Variants in COL24A1 observed in about 807,000 individuals in gnomAD.
COL24A1 encodes collagen alpha-1(XXIV) chain.
COL24A1 carries 224 observed loss-of-function variants against 253.9 expected under a neutral mutation model. The ratio of observed to expected loss-of-function variants is 0.88; its 90% CI spans 0.79 to 0.99. COL24A1 has a LOEUF of 0.99. COL24A1 is among the 50% of genes least tolerant of loss of function. The probability of loss-of-function intolerance (pLI) is 0.00; values close to 1 mark genes in which losing one functional copy is unlikely to be tolerated. For missense variants in COL24A1, 2,131 were observed against 2,068.5 expected (o/e 1.03, Z -0.59); for synonymous variants, 685 against 673.7 (o/e 1.02, Z -0.26).
At chr1:85,851,820 A>T (rs534720490) in intron 37 of COL24A1, among the ~76,000 whole-genome samples, 1 of 152,112 alleles carries the variant, frequency 6.6e-6, no homozygotes, top group Admixed American at 6.6e-5. Context: ...TATTTTGTTC[A>T]TTCCATATAT....
chr1:85,865,972 T>G (rs1285372750), intron 37 of COL24A1, among the ~76,000 whole-genome samples: 2 of 152,116 alleles, frequency 1.3e-5, no homozygotes, highest in Non-Finnish European at 2.9e-5. Context: ...ATAAAGAAAT[T>G]TCTTTAATGG....
chr1:85,801,976 T>A (rs1054999368), intron 47 of COL24A1, among the ~76,000 whole-genome samples: 3 of 152,142 alleles, frequency 2.0e-5, no homozygotes, highest in Non-Finnish European at 4.4e-5. Flanking sequence ...CCCAATCAAA[T>A]ATCAAGTCCT....
At chr1:85,971,121 A>C (rs1435415342) in intron 21 of COL24A1, among the ~76,000 whole-genome samples, 1 of 152,030 alleles carries the variant, frequency 6.6e-6, no homozygotes, top group Non-Finnish European at 1.5e-5. Context: ...AGGCAGGAGG[A>C]TTGCTGGAGC....
At chr1:85,835,284 A>G (rs1336691932) in intron 43 of COL24A1, among the ~76,000 whole-genome samples, 1 of 152,052 alleles carries the variant, frequency 6.6e-6, no homozygotes, top group Admixed American at 6.6e-5. Flanking sequence ...GGCATGCACC[A>G]CCACACCCAG....
chr1:86,012,069 G>A (rs551609882), intron 19 of COL24A1, among the ~76,000 whole-genome samples: 76 of 151,928 alleles, frequency 5.0e-4, no homozygotes, highest in African/African-American at 1.8e-3. Context: ...TCTTCTCATT[G>A]TAGCCACCCA....
intron 47 of COL24A1, among the ~76,000 whole-genome samples, chr1:85,807,370 G>A (rs879264006): frequency 6.6e-6 from 1 of 152,182 alleles, no homozygotes; most frequent in South Asian, 2.1e-4. Context: ...ATTGGAAATA[G>A]GTTCTCTGAT....
chr1:85,803,176 G>A (rs536215329), intron 47 of COL24A1, among the ~76,000 whole-genome samples: 93 of 152,192 alleles, frequency 6.1e-4, no homozygotes, highest in African/African-American at 2.1e-3. Context: ...GAGGCTGGGT[G>A]CAGTGGCTCA....
At position 85,979,730 on chromosome 1, in the gene COL24A1, G is replaced by C. The variant is rs1183658800; in HGVS notation, c.2364+7871C>G. 3.3e-5 allele frequency among the ~76,000 whole-genome samples: 5 copies of C among 149,824 alleles called. No individual in the cohort carries two copies. In the East Asian group the frequency reaches 9.8e-4, roughly 29 times the overall value. On this transcript the variant is annotated intron_variant, in intron 20 of 59. Transcript: ENST00000370571. ...AAAAAAAAAAGTCCAGGACCAGAGA[G>C]ATTCACAGCTGAATTCTATCAGACA...
chr1:86,071,120 A>G (rs1011973084), intron 7 of COL24A1, among the ~76,000 whole-genome samples: 2 of 152,180 alleles, frequency 1.3e-5, no homozygotes, highest in African/African-American at 4.8e-5. Flanking sequence ...AGTTTTTATC[A>G]GTTTTCTTTT....
intron 48 of COL24A1, among the ~76,000 whole-genome samples, chr1:85,785,096 T>C (rs1286973520): frequency 2.0e-5 from 3 of 152,162 alleles, no homozygotes; most frequent in Non-Finnish European, 4.4e-5. Flanking sequence ...ATGATTCAGC[T>C]ATCTAATACC....
chr1:86,037,164 T>A (rs1342356720), intron 12 of COL24A1, among the ~76,000 whole-genome samples: 1 of 152,228 alleles, frequency 6.6e-6, no homozygotes, highest in Non-Finnish European at 1.5e-5. Flanking sequence ...AATAATTTTC[T>A]ATTTTCTCAT....
At chr1:86,116,629 AAC>A (rs534010757) in intron 3 of COL24A1, among the ~76,000 whole-genome samples, 79 of 152,302 alleles carry the variant, frequency 5.2e-4, no homozygotes, top group African/African-American at 1.8e-3. Flanking sequence ...TGAAAAAAAT[AAC>A]AGTTATTTTG....
At chr1:85,828,097 A>G (rs991225194) in intron 43 of COL24A1, among the ~76,000 whole-genome samples, 31 of 152,078 alleles carry the variant, frequency 2.0e-4, no homozygotes, top group Middle Eastern at 3.4e-3. Flanking sequence ...CTTTGAATGC[A>G]TCCCAGAGAT....
chr1:85,868,648 T>C, intron 36 of COL24A1, 22 bp from the exon 37 acceptor site: 6 of 1,594,362 alleles, frequency 3.8e-6, no homozygotes, highest in Non-Finnish European at 5.2e-6. Flanking sequence ...TAAAAAAGTT[T>C]TCTATAAAGG....
chr1:85,980,118 A>G (rs2100849511), intron 20 of COL24A1, among the ~76,000 whole-genome samples: 1 of 152,350 alleles, frequency 6.6e-6, no homozygotes, highest in Non-Finnish European at 1.5e-5. Flanking sequence ...CAGAAAAAGC[A>G]TTTGAGAAAA....
At position 85,940,272 on chromosome 1, in the gene COL24A1, C is replaced by T. The variant is rs796574541; in HGVS notation, c.2562+20977G>A. 5.6e-3 allele frequency among the ~76,000 whole-genome samples: 347 copies of T among 61,774 alleles called. 110 individuals carry two copies. The highest frequency in any genetic ancestry group is 0.017 in the African/African-American group (332 of 19,930). The allele number at this position is 61,774 out of a possible 152,430, so 40.5% of individuals were successfully genotyped here. A position where few individuals can be genotyped will look rare whatever the true frequency, so the allele number is the denominator to read the frequency against. On this transcript the variant is annotated intron_variant, in intron 24 of 59. Coordinates refer to ENST00000370571, the MANE Select transcript of COL24A1 (RefSeq NM_152890.7). The stretch of plus-strand genomic sequence containing the variant: ...ACAAAAAATTAGCCGGGCGTGGTAG[C>T]GGGCGCCTGTAGTCCCAGCTACTCG...
At chr1:85,892,791 A>T (rs1284447025) in intron 31 of COL24A1, among the ~76,000 whole-genome samples, 1 of 152,106 alleles carries the variant, frequency 6.6e-6, no homozygotes, top group Non-Finnish European at 1.5e-5. Context: ...TAAAATACTT[A>T]TTTTGTGGCA....
chr1:86,010,067 AC>A (rs1558994167), intron 19 of COL24A1, among the ~76,000 whole-genome samples: 1 of 152,204 alleles, frequency 6.6e-6, no homozygotes, highest in Non-Finnish European at 1.5e-5. Flanking sequence ...CACAAAAAAA[AC>A]TTTTAATGTA....
intron 14 of COL24A1, among the ~76,000 whole-genome samples, chr1:86,027,301 G>A (rs1160407825): frequency 2.0e-5 from 3 of 152,158 alleles, no homozygotes; most frequent in African/African-American, 7.2e-5. Flanking sequence ...CCAAGACAAT[G>A]GGGAAAATGT....
Sources: allele counts gnomAD v4.1 joint callset (sites outside exome capture counted in the v4.1 genomes callset), GRCh38; gene constraint gnomAD v4.1.1; transcripts MANE v1.5; gene names NCBI Gene and HGNC (gene_info 2026-07-23, HGNC 2026-07-21).